Variants in PHF20 observed in about 807,000 individuals in gnomAD.
PHF20 encodes PHD finger protein 20, also known as glioma-expressed antigen 2.
Under a neutral mutation model 113.5 loss-of-function variants are expected in PHF20, and 23 were observed. The ratio of observed to expected loss-of-function variants is 0.20; its 90% CI spans 0.15 to 0.29. The LOEUF is 0.29. Ranked by LOEUF, PHF20 falls within the 10% of genes least tolerant of loss-of-function variation. The pLI is 1.00. For synonymous variants in PHF20, 434 were observed against 457.3 expected (o/e 0.95, Z 0.65); for missense variants, 943 against 1,219.6 (o/e 0.77, Z 3.38).
At chr20:35,820,295 G>A (rs1402919458) in intron 2 of PHF20, among the ~76,000 whole-genome samples, 1 of 152,166 alleles carries the variant, frequency 6.6e-6, no homozygotes, top group Non-Finnish European at 1.5e-5. Flanking sequence ...TTCAATGCTA[G>A]ATGCTGGAGA....
intron 4 of PHF20, among the ~76,000 whole-genome samples, chr20:35,848,033 G>A (rs146339001): frequency 3.3e-5 from 5 of 152,224 alleles, no homozygotes; most frequent in African/African-American, 1.2e-4. Flanking sequence ...CCTGGCACCT[G>A]GAGAATAGAG....
chr20:35,777,638 A>G (rs2041201606), intron 1 of PHF20, among the ~76,000 whole-genome samples: 1 of 152,150 alleles, frequency 6.6e-6, no homozygotes, highest in Non-Finnish European at 1.5e-5. Flanking sequence ...CAACAAAGTG[A>G]GATTCCTGTC....
intron 13 of PHF20, among the ~76,000 whole-genome samples, chr20:35,924,495 C>G (rs2055586425): frequency 6.6e-6 from 1 of 151,508 alleles, no homozygotes; most frequent in Non-Finnish European, 1.5e-5. Context: ...TGCCTGGCCG[C>G]ATGTATAGTA....
intron 1 of PHF20, among the ~76,000 whole-genome samples, chr20:35,787,798 T>A (rs1002998866): frequency 1.6e-4 from 24 of 151,722 alleles, no homozygotes; most frequent in Non-Finnish European, 1.6e-4. Flanking sequence ...TTTTACTTTT[T>A]GAGACAGAGT....
intron 2 of PHF20, among the ~76,000 whole-genome samples, chr20:35,828,093 G>A (rs954168401): frequency 7.2e-5 from 11 of 151,852 alleles, no homozygotes; most frequent in African/African-American, 2.7e-4. Context: ...GCATGATCTC[G>A]GCCCACCACA....
chr20:35,842,908 T>TTTTG (rs754808796), intron 3 of PHF20, among the ~76,000 whole-genome samples, 164 bp downstream of exon 3: 1 of 152,106 alleles, frequency 6.6e-6, no homozygotes, highest in Non-Finnish European at 1.5e-5. Flanking sequence ...AGAATCCCAA[T>TTTTG]TTTGTTTGTT....
intron 12 of PHF20, 123 bp downstream of exon 12, chr20:35,914,320 A>G: frequency 1.0e-6 from 1 of 954,970 alleles, no homozygotes; most frequent in East Asian, 2.6e-5. Context: ...CTAGTCAGAC[A>G]TAATTTTTAT....
chr20:35,877,612 CT>C (rs1415609172), intron 9 of PHF20, among the ~76,000 whole-genome samples: 1 of 149,158 alleles, frequency 6.7e-6, no homozygotes, highest in Non-Finnish European at 1.5e-5. Flanking sequence ...GAGTCTCACT[CT>C]TTTGCCCACG....
At chr20:35,807,952 G>A (rs1387024942) in intron 2 of PHF20, among the ~76,000 whole-genome samples, 1 of 151,902 alleles carries the variant, frequency 6.6e-6, no homozygotes, top group Non-Finnish European at 1.5e-5. Context: ...TTTGCTTCAA[G>A]ATAATATGAA....
chr20:35,937,682 A>G (rs967130938), intron 15 of PHF20, among the ~76,000 whole-genome samples: 1 of 152,240 alleles, frequency 6.6e-6, no homozygotes, highest in African/African-American at 2.4e-5. Context: ...GAGGTTCTCT[A>G]TAGAATGTAG....
At chr20:35,832,810 G>A (rs1765774279) in intron 2 of PHF20, among the ~76,000 whole-genome samples, 1 of 152,136 alleles carries the variant, frequency 6.6e-6, no homozygotes, top group Non-Finnish European at 1.5e-5. Context: ...AGCACTTTGG[G>A]AGGCCAAGGC....
intron 9 of PHF20, among the ~76,000 whole-genome samples, chr20:35,896,799 C>CAAAA (rs34377497): frequency 3.2e-5 from 2 of 62,504 alleles, no homozygotes; most frequent in Admixed American, 1.9e-4. Context: ...GACTCCGTCT[C>CAAAA]AAAAAAAAAA....
At chr20:35,785,460 C>T (rs558365326) in intron 1 of PHF20, among the ~76,000 whole-genome samples, 26 of 151,940 alleles carry the variant, frequency 1.7e-4, no homozygotes, top group Admixed American at 9.9e-4. Flanking sequence ...GGTGGTGCTA[C>T]GGGCTCCTAC....
intron 9 of PHF20, among the ~76,000 whole-genome samples, chr20:35,872,250 C>T (rs979627475): frequency 2.0e-5 from 3 of 151,560 alleles, no homozygotes; most frequent in Admixed American, 1.3e-4. Flanking sequence ...TGGCTGGGCG[C>T]GATGGCTCAT....
chr20:35,772,577 T>C (rs2041083812), intron 1 of PHF20, among the ~76,000 whole-genome samples: 2 of 152,164 alleles, frequency 1.3e-5, no homozygotes, highest in Non-Finnish European at 2.9e-5. Context: ...CCCTTTTCTC[T>C]ATAGTTTTGA....
At chr20:35,938,536 A>G in intron 15 of PHF20, 161 bp from the exon 16 acceptor site, 1 of 690,090 alleles carries the variant, frequency 1.4e-6, no homozygotes, top group East Asian at 2.5e-5. Context: ...GTCTCCTAGG[A>G]GACCACGGAT....
intron 5 of PHF20, among the ~76,000 whole-genome samples, chr20:35,861,861 GTATT>G (rs2054223774): frequency 6.6e-6 from 1 of 152,136 alleles, no homozygotes; most frequent in Admixed American, 6.5e-5. Context: ...TATTTGTTGA[GTATT>G]TAGGTACTCC....
intron 2 of PHF20, among the ~76,000 whole-genome samples, chr20:35,818,419 C>T (rs2042113243): frequency 6.6e-6 from 1 of 152,178 alleles, no homozygotes; most frequent in South Asian, 2.1e-4. Context: ...TGCCGCCACC[C>T]TTGGCTAAGT....
chr20:35,825,719 A>G (rs1600789697), intron 2 of PHF20, among the ~76,000 whole-genome samples: 1 of 146,316 alleles, frequency 6.8e-6, no homozygotes, highest in African/African-American at 2.6e-5. Context: ...TACGAGTGCC[A>G]TGAAATACAC....
Sources: gnomAD v4.1 joint callset for allele counts (sites outside exome capture counted in the v4.1 genomes callset) on GRCh38, gnomAD v4.1.1 for gene constraint, MANE v1.5 for transcripts, NCBI Gene and HGNC (gene_info 2026-07-23, HGNC 2026-07-21) for gene names.